The following COMMD10 variants were observed in gnomAD, a reference collection of about 807,000 sequenced individuals.
The protein encoded by COMMD10 is COMM domain-containing protein 10.
Under a neutral mutation model 28.9 loss-of-function variants are expected in COMMD10, and 33 were observed. The observed-to-expected ratio is 1.14, with a 90% confidence interval of 0.87 to 1.53. The LOEUF (loss-of-function observed/expected upper bound fraction) is 1.53, where lower values mean the gene tolerates loss of function less well. COMMD10 is among the 40% of genes most tolerant of loss of function. The pLI is 0.00. For missense variants in COMMD10, 310 were observed against 233.4 expected, an observed-to-expected ratio of 1.33 and a Z score of -2.14; for synonymous variants, 110 against 81.7, an observed-to-expected ratio of 1.35 and a Z score of -1.87.
chr5:116,278,664 G>T (rs563293545), intron 5 of COMMD10, among the ~76,000 whole-genome samples: 1 of 151,872 alleles, frequency 6.6e-6, no homozygotes, highest in Non-Finnish European at 1.5e-5. Flanking sequence ...CTGAATAAAG[G>T]TTTCTGGTCA....
chr5:116,128,798 T>C (rs1341027453), intron 4 of COMMD10, among the ~76,000 whole-genome samples: 15 of 152,040 alleles, frequency 9.9e-5, no homozygotes, highest in Non-Finnish European at 2.2e-4. Flanking sequence ...GTGCCACTTA[T>C]TTTATGGCGT....
At chr5:116,244,658 T>TACAAAAAAAAAAAAAAAAAAAAAAAAATA (rs1749894773) in intron 5 of COMMD10, among the ~76,000 whole-genome samples, 1 of 48,606 alleles carries the variant, frequency 2.1e-5, no homozygotes, top group South Asian at 4.9e-4. Flanking sequence ...AAAAAAAAAT[T>TACAAAAAAAAAAAAAAAAAAAAAAAAATA]ACAAAAAAAA....
chr5:116,160,554 C>G lies in COMMD10; in HGVS notation c.510+26376C>G, dbSNP rs936044322. Among the ~76,000 whole-genome samples, 3 of 152,008 alleles carry G rather than the reference C, an allele frequency of 2.0e-5. 1 individual carries two copies. The highest frequency in any genetic ancestry group is 2.9e-5 in the Non-Finnish European group (2 of 68,030). On this transcript the variant is annotated intron_variant, in intron 5 of 6. Coordinates refer to ENST00000274458, the MANE Select transcript of COMMD10 (RefSeq NM_016144.4). ...GTAATAGATTTATACTCTTTAACAG[C>G]TGGTTTGATTGCATCAGATCTAAAG...
intron 5 of COMMD10, among the ~76,000 whole-genome samples, chr5:116,289,483 T>C (rs574555097): frequency 1.3e-5 from 2 of 152,022 alleles, no homozygotes; most frequent in African/African-American, 4.8e-5. Flanking sequence ...CACCTGCCCG[T>C]GGAACTGCAG....
intron 5 of COMMD10, among the ~76,000 whole-genome samples, chr5:116,200,013 A>G (rs1487087479): frequency 6.6e-6 from 1 of 152,172 alleles, no homozygotes; most frequent in Non-Finnish European, 1.5e-5. Context: ...AGGTGTATAT[A>G]TTAATGGGGT....
At chr5:116,174,982 T>C (rs1425825888) in intron 5 of COMMD10, among the ~76,000 whole-genome samples, 1 of 152,152 alleles carries the variant, frequency 6.6e-6, no homozygotes, top group East Asian at 1.9e-4. Context: ...AGATATAATA[T>C]AGCTTGCTGA....
chr5:116,268,344 GAA>G (rs1750658125), intron 5 of COMMD10, among the ~76,000 whole-genome samples: 1 of 151,798 alleles, frequency 6.6e-6, no homozygotes, highest in Admixed American at 6.6e-5. Flanking sequence ...AAAAACACAT[GAA>G]AAAATGCTCA....
chr5:116,180,541 A>G (rs1747921268), intron 5 of COMMD10, among the ~76,000 whole-genome samples: 1 of 152,096 alleles, frequency 6.6e-6, no homozygotes, highest in Non-Finnish European at 1.5e-5. Flanking sequence ...ATAGTTGCCT[A>G]GACAATACAA....
chr5:116,085,431 T>G, intron 1 of COMMD10: 1 of 342,074 alleles, frequency 2.9e-6, no homozygotes, highest in East Asian at 5.3e-5. Context: ...TGCTGCCGAA[T>G]CACGTGGAAC....
intron 5 of COMMD10, among the ~76,000 whole-genome samples, chr5:116,255,057 C>T (rs1342048733): frequency 3.3e-5 from 5 of 151,560 alleles, no homozygotes; most frequent in Non-Finnish European, 5.9e-5. Flanking sequence ...ATGTAATGGC[C>T]TTCTTTGTCT....
intron 5 of COMMD10, among the ~76,000 whole-genome samples, chr5:116,185,998 G>C (rs1176611534): frequency 6.6e-5 from 10 of 152,160 alleles, no homozygotes; most frequent in African/African-American, 2.4e-4. Flanking sequence ...AACACATTGG[G>C]CTAATGGTTA....
intron 5 of COMMD10, among the ~76,000 whole-genome samples, chr5:116,223,419 A>G (rs1311568819): frequency 1.3e-5 from 2 of 152,164 alleles, no homozygotes; most frequent in Non-Finnish European, 2.9e-5. Context: ...TTTAACAAAT[A>G]TTTACTCAGC....
rs200438265 is a variant in COMMD10, at chr5:116,202,550, G to A, written c.510+68372G>A. 9.9e-5 allele frequency among the ~76,000 whole-genome samples: 15 copies of A among 151,686 alleles called. No homozygotes were observed. The East Asian group carries it at 2.3e-3, about 24-fold the overall frequency. On this transcript the variant is annotated intron_variant, in intron 5 of 6. Coordinates refer to ENST00000274458, the MANE Select transcript of COMMD10 (RefSeq NM_016144.4). The stretch of plus-strand genomic sequence containing the variant: ...CTCCACATCCTCTCCAGCACCTGTT[G>A]TTTCCTGACTTTTTAATGATTGCCA...
intron 5 of COMMD10, among the ~76,000 whole-genome samples, chr5:116,214,682 A>G (rs1012479520): frequency 2.0e-5 from 3 of 152,070 alleles, no homozygotes; most frequent in African/African-American, 7.2e-5. Context: ...TTTCATTAGT[A>G]TTATCATTTT....
intron 4 of COMMD10, among the ~76,000 whole-genome samples, chr5:116,131,666 A>G (rs907520740): frequency 6.6e-6 from 1 of 152,020 alleles, no homozygotes; most frequent in Non-Finnish European, 1.5e-5. Flanking sequence ...ATAAAGGTGA[A>G]TAAGACTCCA....
At chr5:116,189,223 C>T (rs7718843) in intron 5 of COMMD10, among the ~76,000 whole-genome samples, 47,645 of 151,988 alleles carry the variant, frequency 0.31, 10,343 homozygotes, top group African/African-American at 0.62. Flanking sequence ...CATGAGACTT[C>T]ACATCTAGGA....
intron 5 of COMMD10, among the ~76,000 whole-genome samples, chr5:116,234,316 A>T (rs1379961131): frequency 6.6e-6 from 1 of 152,192 alleles, no homozygotes; most frequent in Non-Finnish European, 1.5e-5. Flanking sequence ...TTGCTAACGA[A>T]CACACTCTTA....
intron 5 of COMMD10, among the ~76,000 whole-genome samples, chr5:116,230,362 A>G (rs562539604): frequency 1.1e-4 from 17 of 152,108 alleles, no homozygotes; most frequent in African/African-American, 4.1e-4. Context: ...CTGTAACCCC[A>G]TAGCTCTTGA....
At chr5:116,251,282 ATTTAT>A (rs1750108847) in intron 5 of COMMD10, among the ~76,000 whole-genome samples, 1 of 147,012 alleles carries the variant, frequency 6.8e-6, no homozygotes, top group South Asian at 2.2e-4. Context: ...TTATTTATTT[ATTTAT>A]TTATTTATTT....
Sources: allele counts gnomAD v4.1 joint callset (sites outside exome capture counted in the v4.1 genomes callset), GRCh38; gene constraint gnomAD v4.1.1; transcripts MANE v1.5; gene names NCBI Gene and HGNC (gene_info 2026-07-23, HGNC 2026-07-21).